The following ACSM2A variants were observed in gnomAD, a reference collection of about 807,000 sequenced individuals.
ACSM2A encodes the protein acyl-CoA synthetase medium chain family member 2A.
ACSM2A carries 72 observed loss-of-function variants against 76.6 expected under a neutral mutation model. That is an observed-to-expected ratio of 0.94 (90% CI 0.78 to 1.14). ACSM2A has a LOEUF of 1.14. Ranked by LOEUF, ACSM2A falls within the 50% of genes most tolerant of loss-of-function variation. The pLI, the probability that ACSM2A is intolerant of heterozygous loss-of-function variation, is 0.00. For missense variants in ACSM2A, 684 were observed against 708.5 expected, an observed-to-expected ratio of 0.97 and a Z score of 0.39; for synonymous variants, 249 against 255.9, an observed-to-expected ratio of 0.97 and a Z score of 0.26.
At chr16:20,462,210 T>C (rs898823621) in intron 2 of ACSM2A, among the ~76,000 whole-genome samples, 13 of 152,156 alleles carry the variant, frequency 8.5e-5, no homozygotes, top group African/African-American at 2.9e-4. Flanking sequence ...TCCTAAGCAG[T>C]AAGCAAGCTA....
chr16:20,477,099 G>A (rs968968159), intron 8 of ACSM2A: 162 of 421,182 alleles, frequency 3.8e-4, no homozygotes, highest in African/African-American at 1.3e-3. Flanking sequence ...TTAAAATGTG[G>A]TTCCCCCTAA....
At chr16:20,471,877 G>T (rs1019596701) in intron 6 of ACSM2A, among the ~76,000 whole-genome samples, 188 bp downstream of exon 6, 6 of 152,168 alleles carry the variant, frequency 3.9e-5, no homozygotes, top group African/African-American at 1.4e-4. Flanking sequence ...GTAGGAGAGA[G>T]GCACATATAT....
chr16:20,474,369 G>C (rs548751397), intron 6 of ACSM2A: 2 of 177,272 alleles, frequency 1.1e-5, no homozygotes, highest in Non-Finnish European at 2.4e-5. Flanking sequence ...TGGAGAGTGG[G>C]TCTGTTATAT....
chr16:20,475,845 T>C, intron 8 of ACSM2A, 72 bp downstream of exon 8: 2 of 1,598,352 alleles, frequency 1.3e-6, no homozygotes, highest in South Asian at 1.1e-5. Flanking sequence ...ACAATAAAAA[T>C]TGTTAGCCAC....
intron 2 of ACSM2A, among the ~76,000 whole-genome samples, chr16:20,460,579 G>C (rs574855027): frequency 3.3e-5 from 5 of 151,886 alleles, no homozygotes; most frequent in Admixed American, 3.3e-4. Flanking sequence ...TGACCTCCCA[G>C]GGTGAAATGA....
intron 2 of ACSM2A, among the ~76,000 whole-genome samples, chr16:20,463,161 A>G (rs2012739340): frequency 6.6e-6 from 1 of 152,008 alleles, no homozygotes; most frequent in Admixed American, 6.6e-5. Context: ...CAGCACACCA[A>G]CATGGCACAT....
Position 20,475,427 on chromosome 16 carries a change from G to A in ACSM2A, c.960G>A (p.Gln320=), listed in dbSNP as rs759735873. ...GAPIVYRMLL[Q]QDLSSYKFPH... ...CCATTGTTTACCGGATGTTGCTACA[G>A]CAGGATCTTTCCAGGTGATGGGGCT... Residue 320 remains glutamine (Q), a synonymous_variant, in exon 7 of 14, where the codon CAG becomes CAA. Transcript: ENST00000573854. 4 of 1,613,778 alleles carry A rather than the reference G, an allele frequency of 2.5e-6. No individual in the cohort carries two copies. The South Asian group carries it at 4.4e-5, about 18-fold the overall frequency.
At chr16:20,462,911 C>T (rs577768617) in intron 2 of ACSM2A, among the ~76,000 whole-genome samples, 1 of 152,032 alleles carries the variant, frequency 6.6e-6, no homozygotes, top group South Asian at 2.1e-4. Flanking sequence ...GTTGGAAGGT[C>T]AAACAGCCCA....
chr16:20,469,787 A>C (rs2013265356), intron 4 of ACSM2A, 68 bp downstream of exon 4: 4 of 1,589,504 alleles, frequency 2.5e-6, no homozygotes, highest in South Asian at 2.2e-5. Flanking sequence ...ACTTAGGTGC[A>C]GGTGCTTTAT....
intron 2 of ACSM2A, among the ~76,000 whole-genome samples, chr16:20,460,512 C>A (rs1484082036): frequency 6.6e-6 from 1 of 152,046 alleles, no homozygotes; most frequent in African/African-American, 2.4e-5. Context: ...CTGGTAACTC[C>A]CAGGCAGCCA....
At chr16:20,453,267 G>A (rs2011899875) in intron 1 of ACSM2A, 1 of 151,876 alleles carries the variant, frequency 6.6e-6, no homozygotes, top group Non-Finnish European at 1.5e-5. Context: ...TGAATGGAGG[G>A]ATCGGCCAGA....
chr16:20,459,248 T>G (rs1451518162), intron 1 of ACSM2A, among the ~76,000 whole-genome samples: 3 of 151,998 alleles, frequency 2.0e-5, no homozygotes, highest in African/African-American at 7.3e-5. Flanking sequence ...TGCACAACAA[T>G]GTCACAAATC....
At chr16:20,479,149 G>C (rs1013228491) in intron 10 of ACSM2A, among the ~76,000 whole-genome samples, 1 of 151,794 alleles carries the variant, frequency 6.6e-6, no homozygotes, top group African/African-American at 2.4e-5. Context: ...CTTGAATCTG[G>C]CCACCTCACT....
At chr16:20,465,054 A>G (rs1280556191) in intron 2 of ACSM2A, among the ~76,000 whole-genome samples, 1 of 152,200 alleles carries the variant, frequency 6.6e-6, no homozygotes, top group Non-Finnish European at 1.5e-5. Context: ...ATACAATAGC[A>G]TTTTCCAGAA....
chr16:20,458,911 T>TGC (rs1567356853), intron 1 of ACSM2A, among the ~76,000 whole-genome samples: 2 of 59,046 alleles, frequency 3.4e-5, no homozygotes, highest in African/African-American at 1.9e-4. Context: ...TATGCATATA[T>TGC]ATATATATAT....
chr16:20,469,735 T>C lies in ACSM2A; in HGVS notation c.596+16T>C. ...AACTACTAAAGTGAGTATCTACATG[T>C]CTCAGCCTGGGTTTTAACTAAAACT... is the stretch of plus-strand genomic sequence containing the variant. On this transcript the variant is annotated intron_variant, in intron 4 of 13. Transcript: ENST00000573854. 1 of 1,613,644 alleles carries C rather than the reference T, an allele frequency of 6.2e-7. No individual in the cohort carries two copies. The highest frequency in any genetic ancestry group is 8.5e-7 in the Non-Finnish European group (1 of 1,179,640).
At chr16:20,463,698 T>C (rs1300127536) in intron 2 of ACSM2A, among the ~76,000 whole-genome samples, 2 of 152,208 alleles carry the variant, frequency 1.3e-5, no homozygotes, top group Non-Finnish European at 2.9e-5. Context: ...AATTACCCAG[T>C]GTCAGATATT....
chr16:20,486,130 C>G (rs979291050), intron 13 of ACSM2A, among the ~76,000 whole-genome samples: 1 of 152,214 alleles, frequency 6.6e-6, no homozygotes, highest in Non-Finnish European at 1.5e-5. Flanking sequence ...AGTGGTTACT[C>G]CATGCCAGTA....
At chr16:20,466,607 T>C (rs1333628778) in intron 3 of ACSM2A, among the ~76,000 whole-genome samples, 5 of 152,236 alleles carry the variant, frequency 3.3e-5, no homozygotes, top group African/African-American at 1.2e-4. Context: ...GGCTAAGGAA[T>C]AGTAAATGCT....
Sources: gnomAD v4.1 joint callset for allele counts (sites outside exome capture counted in the v4.1 genomes callset) on GRCh38, gnomAD v4.1.1 for gene constraint, MANE v1.5 for transcripts, NCBI Gene and HGNC (gene_info 2026-07-23, HGNC 2026-07-21) for gene names.